The following TMTC2 variants were observed in gnomAD, a reference collection of about 807,000 sequenced individuals.
The protein encoded by TMTC2 is protein O-mannosyl-transferase TMTC2.
Under a neutral mutation model 82.4 loss-of-function variants are expected in TMTC2, and 43 were observed. The observed-to-expected ratio is 0.52, with a 90% CI of 0.41 to 0.67. The LOEUF is 0.67. Ranked by LOEUF, TMTC2 falls within the 30% of genes least tolerant of loss-of-function variation. TMTC2 has a pLI of 0.00. For synonymous variants in TMTC2, 408 were observed against 381.9 expected, an observed-to-expected ratio of 1.07 and a Z score of -0.80; for missense variants, 919 against 1,012.4, an observed-to-expected ratio of 0.91 and a Z score of 1.25.
At chr12:83,021,246 G>A (rs574511004) in intron 8 of TMTC2, among the ~76,000 whole-genome samples, 35 of 151,790 alleles carry the variant, frequency 2.3e-4, no homozygotes, top group African/African-American at 6.5e-4. Context: ...GCCAATTCTC[G>A]GCCTATGGCA....
intron 8 of TMTC2, among the ~76,000 whole-genome samples, chr12:82,997,842 TA>T (rs1037208083): frequency 1.3e-5 from 2 of 152,142 alleles, no homozygotes; most frequent in Non-Finnish European, 2.9e-5. Context: ...ATTCTTAAAA[TA>T]TGTATATATT....
chr12:82,885,308 G>A (rs1044875268), intron 2 of TMTC2, among the ~76,000 whole-genome samples: 1 of 151,546 alleles, frequency 6.6e-6, no homozygotes, highest in African/African-American at 2.4e-5. Context: ...TGATTAATCT[G>A]GGAATAAGTT....
At chr12:83,096,352 A>T (rs1884029350) in intron 11 of TMTC2, among the ~76,000 whole-genome samples, 15 of 152,164 alleles carry the variant, frequency 9.9e-5, no homozygotes, top group Admixed American at 9.8e-4. Context: ...CACATCTCAC[A>T]TTTCTGTTTG....
chr12:83,108,434 A>G (rs1224501105), intron 11 of TMTC2, among the ~76,000 whole-genome samples: 2 of 152,188 alleles, frequency 1.3e-5, no homozygotes, highest in African/African-American at 4.8e-5. Context: ...GATCAAGACC[A>G]TCCTGGCCAA....
chr12:82,905,864 G>T (rs1874270497), intron 3 of TMTC2, among the ~76,000 whole-genome samples: 1 of 151,284 alleles, frequency 6.6e-6, no homozygotes, highest in South Asian at 2.1e-4. Flanking sequence ...AGAATCGCTT[G>T]AACCCAGGAG....
At chr12:82,844,093 C>G (rs1053587362) in intron 1 of TMTC2, among the ~76,000 whole-genome samples, 2 of 152,236 alleles carry the variant, frequency 1.3e-5, no homozygotes, top group South Asian at 4.1e-4. Flanking sequence ...GTTAGTTTCT[C>G]CCTTTAAAAC....
chr12:82,851,195 C>A (rs936535239), intron 1 of TMTC2, among the ~76,000 whole-genome samples: 2 of 151,720 alleles, frequency 1.3e-5, no homozygotes, highest in African/African-American at 4.8e-5. Flanking sequence ...TTTGGGAGGC[C>A]GAGGCAGGCA....
At chr12:82,736,949 ATAAAC>A (rs1249608531) in intron 1 of TMTC2, among the ~76,000 whole-genome samples, 1 of 152,208 alleles carries the variant, frequency 6.6e-6, no homozygotes, top group Non-Finnish European at 1.5e-5. Flanking sequence ...CCCTATTTGT[ATAAAC>A]TAATGTACCC....
At chr12:82,895,703 A>G in intron 2 of TMTC2, 115 bp from the exon 3 acceptor site, 1 of 933,304 alleles carries the variant, frequency 1.1e-6, no homozygotes, top group Non-Finnish European at 1.6e-6. Flanking sequence ...TTTTGGAGAC[A>G]TCATGCTGTG....
At chr12:83,074,204 T>C (rs1433454416) in intron 11 of TMTC2, among the ~76,000 whole-genome samples, 1 of 152,168 alleles carries the variant, frequency 6.6e-6, no homozygotes, top group African/African-American at 2.4e-5. Flanking sequence ...TTCCTATGGA[T>C]GTGGCTTCCT....
At chr12:83,071,401 C>A (rs1052308086) in intron 11 of TMTC2, among the ~76,000 whole-genome samples, 1 of 152,146 alleles carries the variant, frequency 6.6e-6, no homozygotes, top group Non-Finnish European at 1.5e-5. Context: ...TCGTGATCCA[C>A]CCGCCTTGGC....
At chr12:82,803,161 G>A (rs994420235) in intron 1 of TMTC2, among the ~76,000 whole-genome samples, 3 of 152,150 alleles carry the variant, frequency 2.0e-5, no homozygotes, top group African/African-American at 7.2e-5. Flanking sequence ...TAAGTGGCCA[G>A]TATGATATTG....
At chr12:82,760,806 T>C in intron 1 of TMTC2, 1 of 393,052 alleles carries the variant, frequency 2.5e-6, no homozygotes, top group Non-Finnish European at 5.2e-6. Flanking sequence ...GTGAGGGATC[T>C]AGGTTTCATA....
At chr12:82,739,012 G>T (rs191012096) in intron 1 of TMTC2, among the ~76,000 whole-genome samples, 1 of 152,008 alleles carries the variant, frequency 6.6e-6, no homozygotes, top group Admixed American at 6.6e-5. Context: ...GCCAGGTGTG[G>T]TGGCGCACAC....
At chr12:82,992,202 T>A (rs2137350109) in intron 8 of TMTC2, among the ~76,000 whole-genome samples, 1 of 152,358 alleles carries the variant, frequency 6.6e-6, no homozygotes, top group East Asian at 1.9e-4. Flanking sequence ...GTAGTTTATC[T>A]GGAAATGTAA....
chr12:82,760,946 A>G (rs762412554), intron 1 of TMTC2: 22 of 238,076 alleles, frequency 9.2e-5, no homozygotes, highest in Non-Finnish European at 1.3e-4. Context: ...GGTGAATTGT[A>G]TAATTATTTT....
intron 8 of TMTC2, among the ~76,000 whole-genome samples, chr12:83,028,668 A>AT (rs1421605157): frequency 1.3e-5 from 2 of 152,098 alleles, no homozygotes; most frequent in African/African-American, 4.8e-5. Context: ...AAGTTGAAAT[A>AT]ATTTTCCAAG....
At chr12:82,810,961 G>C (rs1868363921) in intron 1 of TMTC2, among the ~76,000 whole-genome samples, 1 of 152,156 alleles carries the variant, frequency 6.6e-6, no homozygotes, top group African/African-American at 2.4e-5. Flanking sequence ...CAGGAGCGGT[G>C]GCTCACGCCT....
At chr12:82,785,372 C>T (rs1446784616) in intron 1 of TMTC2, among the ~76,000 whole-genome samples, 1 of 149,942 alleles carries the variant, frequency 6.7e-6, no homozygotes, top group East Asian at 2.0e-4. Context: ...CCCCGTCCCC[C>T]CCAAACACAA....
Sources: allele counts gnomAD v4.1 joint callset (sites outside exome capture counted in the v4.1 genomes callset), GRCh38; gene constraint gnomAD v4.1.1; transcripts MANE v1.5; gene names NCBI Gene and HGNC (gene_info 2026-07-23, HGNC 2026-07-21).